EPB41L5: variants seen among roughly 807,000 people sequenced by gnomAD.
EPB41L5 encodes band 4.1-like protein 5.
In EPB41L5, 55 loss-of-function variants were observed where a neutral mutation model predicts 106.6. That is an observed-to-expected ratio of 0.52 (90% confidence interval 0.42 to 0.65). EPB41L5 has a LOEUF of 0.65. Ranked by LOEUF, EPB41L5 falls within the 30% of genes least tolerant of loss-of-function variation. The pLI is 0.00. For synonymous variants in EPB41L5, 297 were observed against 306.7 expected (o/e 0.97, Z 0.33); for missense variants, 871 against 882.1 (o/e 0.99, Z 0.16).
chr2:120,085,467 G>A (rs1682994158), intron 10 of EPB41L5, among the ~76,000 whole-genome samples: 1 of 152,182 alleles, frequency 6.6e-6, no homozygotes, highest in Non-Finnish European at 1.5e-5. Flanking sequence ...TGTTCCTCTT[G>A]AAGCTTCGTC....
chr2:120,047,868 G>T (rs922352424), intron 3 of EPB41L5, among the ~76,000 whole-genome samples: 12 of 152,222 alleles, frequency 7.9e-5, no homozygotes, highest in Non-Finnish European at 1.6e-4. Flanking sequence ...TTTTTAGCAC[G>T]AAGGGCTGTT....
chr2:120,075,778 T>C (rs1225621870), intron 7 of EPB41L5, 25 bp downstream of exon 7: 1 of 1,572,034 alleles, frequency 6.4e-7, no homozygotes, highest in Non-Finnish European at 8.8e-7. Flanking sequence ...TGTTGACTGT[T>C]AAGACTCAAG....
chr2:120,067,206 A>G (rs1255424101), intron 3 of EPB41L5, among the ~76,000 whole-genome samples: 2 of 152,252 alleles, frequency 1.3e-5, no homozygotes, highest in Non-Finnish European at 2.9e-5. Context: ...TTTGCTGAAC[A>G]TTTTATTTAA....
At chr2:120,087,136 T>G (rs1460174475) in intron 10 of EPB41L5, 35 bp from the exon 11 acceptor site, 7 of 1,277,138 alleles carry the variant, frequency 5.5e-6, no homozygotes, top group Non-Finnish European at 7.8e-6. Flanking sequence ...AACATTTGTT[T>G]GTAATTTGGC....
rs567219155 is a variant in EPB41L5 at position 120,017,492 on chromosome 2, T to G, written c.-8-1585T>G. 5.3e-5 allele frequency among the ~76,000 whole-genome samples: 8 copies of G among 152,366 alleles called. No homozygotes were observed. The South Asian group carries it at 1.0e-3, about 20-fold the overall frequency. On this transcript the variant is annotated intron_variant, in intron 1 of 24. Transcript: ENST00000263713. ...TGTTGGCTTATGTGTACTTAAACTCTCTTTGTTGTGCAAATGAAACACATG... is the reference window on the plus strand; with the variant it reads ...TGTTGGCTTATGTGTACTTAAACTCGCTTTGTTGTGCAAATGAAACACATG...
intron 3 of EPB41L5, among the ~76,000 whole-genome samples, chr2:120,062,073 A>G (rs1365356894): frequency 1.3e-5 from 2 of 152,196 alleles, no homozygotes; most frequent in Non-Finnish European, 2.9e-5. Context: ...GATGCCTACT[A>G]TTACCATTGC....
In EPB41L5 at chr2:120,176,454, C is replaced by G. The variant is rs1039324762; in HGVS notation, c.*1547C>G. The G allele has an allele frequency of 3.3e-5, 5 of 152,240 alleles. No individual in the cohort carries two copies. Among genetic ancestry groups the G allele is most frequent in the African/African-American group, 1.2e-4 (5 of 41,458 alleles). 9.4% of individuals were successfully genotyped at this position (152,240 alleles called of 1,614,324 possible). A position where few individuals can be genotyped will look rare whatever the true frequency, so the allele number is the denominator to read the frequency against. On this transcript the variant is annotated 3_prime_UTR_variant, in exon 25 of 25. Transcript: ENST00000263713. ...TGTCCAGGCAAACGCACACTAGTGT[C>G]TGACTGGAAAGCTCAGGAATTTTAA...
chr2:120,013,842 A>C (rs756762654), intron 1 of EPB41L5, among the ~76,000 whole-genome samples: 1 of 152,198 alleles, frequency 6.6e-6, no homozygotes, highest in South Asian at 2.1e-4. Context: ...ACGTTTGGCA[A>C]TATTTTAGAC....
intron 16 of EPB41L5, chr2:120,104,804 C>G (rs1055914717): frequency 1.1e-6 from 1 of 922,316 alleles, no homozygotes; most frequent in Non-Finnish European, 1.3e-6. Context: ...TTAATAAACA[C>G]GAATATTTTA....
intron 20 of EPB41L5, among the ~76,000 whole-genome samples, chr2:120,147,580 G>A (rs565969478): frequency 4.8e-5 from 7 of 145,228 alleles, no homozygotes; most frequent in South Asian, 2.1e-4. Flanking sequence ...AGCCGTGATC[G>A]TGCCACTGCA....
chr2:120,069,120 C>A (rs1681669546), intron 3 of EPB41L5, among the ~76,000 whole-genome samples: 1 of 95,000 alleles, frequency 1.1e-5, no homozygotes. Context: ...AAGAGTGAAA[C>A]TCTGTCTCAA....
intron 3 of EPB41L5, among the ~76,000 whole-genome samples, chr2:120,068,763 A>G (rs1681638992): frequency 6.6e-6 from 1 of 152,102 alleles, no homozygotes; most frequent in Non-Finnish European, 1.5e-5. Flanking sequence ...CATCTCACGG[A>G]CAAAGACACA....
intron 22 of EPB41L5, among the ~76,000 whole-genome samples, chr2:120,165,967 CAAAAAA>C (rs536664071): frequency 0.024 from 679 of 27,898 alleles, 2 homozygotes; most frequent in African/African-American, 0.073. Flanking sequence ...GACTCCGTCT[CAAAAAA>C]AAAAAAAAAA....
intron 10 of EPB41L5, among the ~76,000 whole-genome samples, chr2:120,083,456 T>G (rs561379575): frequency 6.6e-6 from 1 of 152,348 alleles, no homozygotes; most frequent in South Asian, 2.1e-4. Context: ...GATAGCACTG[T>G]GGTCTGAGAG....
intron 16 of EPB41L5, among the ~76,000 whole-genome samples, chr2:120,118,509 C>A (rs563964760): frequency 6.6e-6 from 1 of 152,050 alleles, no homozygotes; most frequent in Non-Finnish European, 1.5e-5. Context: ...TGCTTTCCCT[C>A]CCCCACACCC....
At chr2:120,050,335 C>T (rs538290340) in intron 3 of EPB41L5, among the ~76,000 whole-genome samples, 1 of 152,198 alleles carries the variant, frequency 6.6e-6, no homozygotes, top group South Asian at 2.1e-4. Context: ...TCATGTAGTC[C>T]CATATTTCTT....
At chr2:120,147,584 C>G (rs1466447866) in intron 20 of EPB41L5, among the ~76,000 whole-genome samples, 4 of 144,654 alleles carry the variant, frequency 2.8e-5, no homozygotes, top group African/African-American at 1.0e-4. Context: ...GTGATCGTGC[C>G]ACTGCACTCC....
intron 24 of EPB41L5, among the ~76,000 whole-genome samples, chr2:120,168,528 T>C (rs1323287469): frequency 2.6e-5 from 4 of 152,226 alleles, no homozygotes; most frequent in Non-Finnish European, 5.9e-5. Flanking sequence ...TCTTCAACTT[T>C]TGATTTGCTA....
At chr2:120,068,234 C>A (rs536408061) in intron 3 of EPB41L5, among the ~76,000 whole-genome samples, 1 of 152,248 alleles carries the variant, frequency 6.6e-6, no homozygotes, top group African/African-American at 2.4e-5. Flanking sequence ...CTGTGAGGAA[C>A]GGTGCATTCC....
Sources: gnomAD v4.1 joint callset for allele counts (sites outside exome capture counted in the v4.1 genomes callset) on GRCh38, gnomAD v4.1.1 for gene constraint, MANE v1.5 for transcripts, NCBI Gene and HGNC (gene_info 2026-07-23, HGNC 2026-07-21) for gene names.